The following PDZD2 variants were observed in gnomAD, a reference collection of about 807,000 sequenced individuals.
The protein encoded by PDZD2 is PDZ domain-containing protein 2.
PDZD2 carries 90 observed loss-of-function variants against 220.7 expected under a neutral mutation model. That is an observed-to-expected ratio of 0.41 (90% CI 0.34 to 0.49). PDZD2 has a LOEUF of 0.49. Ranked by LOEUF, PDZD2 falls within the 20% of genes least tolerant of loss-of-function variation. The pLI is 0.28. For missense variants in PDZD2, 3,174 were observed against 3,608.5 expected, an observed-to-expected ratio of 0.88 and a Z score of 3.08; for synonymous variants, 1,375 against 1,450.5, an observed-to-expected ratio of 0.95 and a Z score of 1.18.
In PDZD2 at chr5:32,089,938, A is replaced by G. The variant is rs1282339918; in HGVS notation, c.6490A>G (p.Met2164Val). The G allele has an allele frequency of 6.2e-7, 1 of 1,610,192 alleles. No homozygotes were observed. The highest frequency in any genetic ancestry group is 1.3e-5 in the African/African-American group (1 of 75,006). Reference protein sequence around the residue: ...AEQEMSRSFSMAKLASSSSSL... With the variant: ...AEQEMSRSFSVAKLASSSSSL... ...GCAGGAAATGTCACGATCATTCAGC[A>G]TGGCAAAACTGGCGTCCTCCTCCTC... Residue 2164 changes from methionine to valine, a missense_variant, in exon 20 of 25, where the codon ATG becomes GTG. This residue lies in a region of PDZD2 where 1,861 missense variants were observed against 2,001.0 expected (regional missense o/e 0.93). Transcript: ENST00000438447.
chr5:31,949,531 C>G (rs1408159847), intron 2 of PDZD2, among the ~76,000 whole-genome samples: 1 of 152,104 alleles, frequency 6.6e-6, no homozygotes, highest in Non-Finnish European at 1.5e-5. Context: ...CTACCCCATT[C>G]TTCTTGTTCA....
At chr5:32,073,251 C>T (rs115977017) in intron 17 of PDZD2, among the ~76,000 whole-genome samples, 51 of 152,204 alleles carry the variant, frequency 3.4e-4, no homozygotes, top group Non-Finnish European at 6.5e-4. Flanking sequence ...AAGGTGCAAA[C>T]GTGTAATTTT....
At chr5:31,914,411 C>T (rs1743496550) in intron 2 of PDZD2, among the ~76,000 whole-genome samples, 1 of 152,186 alleles carries the variant, frequency 6.6e-6, no homozygotes, top group Non-Finnish European at 1.5e-5. Context: ...GCACCTTAAT[C>T]TCAGCTACTC....
intron 1 of PDZD2, among the ~76,000 whole-genome samples, chr5:31,749,874 G>A (rs778604414): frequency 2.6e-4 from 39 of 152,226 alleles, no homozygotes; most frequent in Middle Eastern, 3.4e-3. Flanking sequence ...TCCCCTTCCC[G>A]GTGAGGCTCT....
intron 1 of PDZD2, among the ~76,000 whole-genome samples, chr5:31,723,331 AGTTTTTTGTTTT>A (rs1157058424): frequency 6.6e-6 from 1 of 151,410 alleles, no homozygotes. Flanking sequence ...TTAAGATGCT[AGTTTTTTGTTTT>A]GTTTTTTTTT....
intron 2 of PDZD2, among the ~76,000 whole-genome samples, chr5:31,921,378 T>TA (rs75580933): frequency 0.41 from 61,930 of 151,482 alleles, 13,057 homozygotes; most frequent in East Asian, 0.69. Context: ...GTTGTACAGG[T>TA]AAAAAAAAAC....
chr5:32,001,786 G>A (rs1444383793), intron 5 of PDZD2, among the ~76,000 whole-genome samples: 2 of 152,168 alleles, frequency 1.3e-5, no homozygotes, highest in African/African-American at 4.8e-5. Context: ...CTAGGGCAGC[G>A]TCTATGTGGC....
intron 2 of PDZD2, among the ~76,000 whole-genome samples, chr5:31,964,789 C>T (rs1480989252): frequency 6.6e-6 from 1 of 152,216 alleles, no homozygotes; most frequent in African/African-American, 2.4e-5. Context: ...GATCTCGGCT[C>T]ACTGCAAGCT....
intron 2 of PDZD2, among the ~76,000 whole-genome samples, chr5:31,869,198 C>A (rs960962597): frequency 5.3e-5 from 8 of 152,198 alleles, no homozygotes; most frequent in Non-Finnish European, 1.2e-4. Context: ...AATCCATTTA[C>A]TTCTACTGGT....
intron 1 of PDZD2, among the ~76,000 whole-genome samples, chr5:31,715,173 T>C (rs1457375133): frequency 6.6e-6 from 1 of 152,170 alleles, no homozygotes; most frequent in Non-Finnish European, 1.5e-5. Context: ...GCAGGACTCT[T>C]AGATATCTGA....
At chr5:31,922,502 C>G (rs1390257629) in intron 2 of PDZD2, among the ~76,000 whole-genome samples, 1 of 152,056 alleles carries the variant, frequency 6.6e-6, no homozygotes, top group Non-Finnish European at 1.5e-5. Context: ...GGAAATTACA[C>G]CCTGAATGCA....
intron 1 of PDZD2, among the ~76,000 whole-genome samples, chr5:31,740,008 A>G (rs896883147): frequency 6.6e-6 from 1 of 152,138 alleles, no homozygotes; most frequent in African/African-American, 2.4e-5. Flanking sequence ...GAAAGTTAAC[A>G]AACAAATGCC....
intron 1 of PDZD2, among the ~76,000 whole-genome samples, chr5:31,658,462 A>G (rs564588343): frequency 6.6e-6 from 1 of 152,206 alleles, no homozygotes; most frequent in Admixed American, 6.5e-5. Flanking sequence ...TGTAACGATC[A>G]TATTTGATCA....
chr5:31,750,996 A>G (rs1035154333), intron 1 of PDZD2, among the ~76,000 whole-genome samples: 1 of 152,264 alleles, frequency 6.6e-6, no homozygotes, highest in Middle Eastern at 3.4e-3. Flanking sequence ...TAATCCTAGC[A>G]CTTTGGGAGG....
intron 2 of PDZD2, among the ~76,000 whole-genome samples, chr5:31,906,955 G>A (rs1259643080): frequency 6.6e-6 from 1 of 152,232 alleles, no homozygotes; most frequent in Non-Finnish European, 1.5e-5. Flanking sequence ...TAAAGCTTAT[G>A]TCTAAACTTT....
chr5:32,058,598 C>G (rs759877518), intron 12 of PDZD2, among the ~76,000 whole-genome samples: 4 of 146,802 alleles, frequency 2.7e-5, no homozygotes, highest in Non-Finnish European at 5.9e-5. Flanking sequence ...CGCTCGAACC[C>G]GGGAGGCAGA....
intron 3 of PDZD2, among the ~76,000 whole-genome samples, chr5:31,992,384 T>C (rs1751288156): frequency 6.6e-6 from 1 of 152,076 alleles, no homozygotes; most frequent in Non-Finnish European, 1.5e-5. Context: ...GGCAGGCAAG[T>C]GGAGTGGAAA....
At chr5:32,044,748 ACTT>A (rs1323862854) in intron 7 of PDZD2, among the ~76,000 whole-genome samples, 1 of 152,250 alleles carries the variant, frequency 6.6e-6, no homozygotes, top group East Asian at 1.9e-4. Flanking sequence ...GTTGGGTAAA[ACTT>A]CACGTGATAT....
chr5:32,057,700 C>T lies in PDZD2; in HGVS notation c.1946C>T (p.Thr649Ile), dbSNP rs1224914817. Residue 649 changes from threonine to isoleucine, a missense_variant, in exon 11 of 25, where the codon ACA becomes ATA. Physicochemically the swap from Thr to Ile is moderately conservative, Grantham distance 89. Coordinates refer to ENST00000438447, the MANE Select transcript of PDZD2 (RefSeq NM_178140.4). ...AATGGAATACCAATAAAGGGCTTGA[C>T]ATTTCAAGAAGCCATTCATACCTTT... ...DVNGIPIKGL[T>I]FQEAIHTFKQ... is the part of the protein sequence containing the mutation. 3.1e-6 allele frequency: 5 copies of T among 1,594,258 alleles called. No individual in the cohort carries two copies. Among genetic ancestry groups the T allele is most frequent in the Non-Finnish European group, 4.3e-6 (5 of 1,163,060 alleles).
Sources: allele counts gnomAD v4.1 joint callset (sites outside exome capture counted in the v4.1 genomes callset), GRCh38; gene constraint gnomAD v4.1.1; regional missense constraint gnomAD v4.1.1; transcripts MANE v1.5; gene names NCBI Gene and HGNC (gene_info 2026-07-23, HGNC 2026-07-21).